The following FHIT variants were observed in gnomAD, a reference collection of about 807,000 sequenced individuals.
FHIT encodes the protein bis(5'-adenosyl)-triphosphatase.
Under a neutral mutation model 17.9 loss-of-function variants are expected in FHIT, and 19 were observed. The ratio of observed to expected loss-of-function variants is 1.06; its 90% CI spans 0.74 to 1.56. The LOEUF is 1.56. Among genes scored for constraint, FHIT ranks in the 40% most tolerant of loss-of-function variants. FHIT has a pLI of 0.00. For missense variants in FHIT, 248 were observed against 189.2 expected, an observed-to-expected ratio of 1.31 and a Z score of -1.82; for synonymous variants, 81 against 69.7, an observed-to-expected ratio of 1.16 and a Z score of -0.81.
chr3:60,531,072 A>G (rs1405694354), intron 5 of FHIT, among the ~76,000 whole-genome samples: 2 of 152,214 alleles, frequency 1.3e-5, no homozygotes, highest in African/African-American at 2.4e-5. Flanking sequence ...AACTTGCCCC[A>G]CTACAATGGA....
chr3:61,074,939 G>C (rs1040945411), intron 2 of FHIT, among the ~76,000 whole-genome samples: 26 of 152,288 alleles, frequency 1.7e-4, no homozygotes, highest in African/African-American at 5.8e-4. Context: ...TAAACGTTCT[G>C]TGTAAAGGAT....
At chr3:60,968,324 A>G (rs1033666468) in intron 3 of FHIT, among the ~76,000 whole-genome samples, 1 of 152,344 alleles carries the variant, frequency 6.6e-6, no homozygotes, top group Non-Finnish European at 1.5e-5. Flanking sequence ...GGTCTCTAAT[A>G]TAATGATGAA....
At position 59,819,922 on chromosome 3, in the gene FHIT, T is replaced by C. The variant is rs1461148242; in HGVS notation, c.349-67601A>G. 2.0e-5 allele frequency among the ~76,000 whole-genome samples: 3 copies of C among 152,186 alleles called. No homozygotes were observed. In the East Asian group the frequency reaches 5.8e-4, roughly 29 times the overall value. ...GCAAGCACTCTGGTCCCTTCTCCCTTCCACCATGTGAGGACACAGTGTTTG... is the reference window on the plus strand; with the variant it reads ...GCAAGCACTCTGGTCCCTTCTCCCTCCCACCATGTGAGGACACAGTGTTTG... On this transcript the variant is annotated intron_variant, in intron 8 of 9. Transcript: ENST00000492590.
intron 5 of FHIT, among the ~76,000 whole-genome samples, chr3:60,225,096 G>A (rs113121849): frequency 0.01 from 1,570 of 152,152 alleles, 30 homozygotes; most frequent in African/African-American, 0.035. Context: ...GTAGAATTTC[G>A]TCATTACTAA....
intron 5 of FHIT, among the ~76,000 whole-genome samples, chr3:60,183,450 A>C (rs1023153673): frequency 6.6e-6 from 1 of 152,126 alleles, no homozygotes; most frequent in Non-Finnish European, 1.5e-5. Flanking sequence ...GGTATGATGG[A>C]GGATTGTTTT....
In FHIT at chr3:61,171,391, C is replaced by G. The variant is rs2037999606; in HGVS notation, c.-164+29226G>C. Among the ~76,000 whole-genome samples, 2 of 152,148 alleles carry G rather than the reference C, an allele frequency of 1.3e-5. 1 individual carries two copies. Among genetic ancestry groups the G allele is most frequent in the Non-Finnish European group, 2.9e-5 (2 of 68,016 alleles). On this transcript the variant is annotated intron_variant, in intron 2 of 9. Coordinates refer to ENST00000492590, the MANE Select transcript of FHIT (RefSeq NM_002012.4). ...TAGTTCGCAAAAATGTTCTTCCATT[C>G]TATAGGTTGTCTGTTTAGTCTGCTG... is the stretch of plus-strand genomic sequence containing the variant.
At chr3:60,774,019 C>A (rs971566140) in intron 4 of FHIT, among the ~76,000 whole-genome samples, 3 of 152,152 alleles carry the variant, frequency 2.0e-5, no homozygotes, top group South Asian at 2.1e-4. Context: ...TGGGGTTACA[C>A]CTTTGATGGA....
intron 7 of FHIT, among the ~76,000 whole-genome samples, chr3:59,937,212 G>T (rs1461496106): frequency 6.6e-6 from 1 of 152,080 alleles, no homozygotes; most frequent in Non-Finnish European, 1.5e-5. Flanking sequence ...TAAAAAGCAG[G>T]TGCTTTTAAA....
At chr3:61,207,366 A>G (rs2039279357) in intron 1 of FHIT, among the ~76,000 whole-genome samples, 2 of 152,080 alleles carry the variant, frequency 1.3e-5, no homozygotes, top group Admixed American at 6.5e-5. Flanking sequence ...CTCTTTTTCT[A>G]TTGACTGGAA....
At chr3:60,391,696 G>A (rs574385900) in intron 5 of FHIT, among the ~76,000 whole-genome samples, 2 of 152,312 alleles carry the variant, frequency 1.3e-5, no homozygotes, top group South Asian at 4.1e-4. Flanking sequence ...TACATGTGCA[G>A]TAGGTTACAC....
intron 7 of FHIT, among the ~76,000 whole-genome samples, chr3:59,971,510 T>C (rs1365434711): frequency 1.3e-5 from 2 of 151,604 alleles, no homozygotes. Flanking sequence ...CTTTTTTTGC[T>C]AACCTCCCAT....
intron 2 of FHIT, among the ~76,000 whole-genome samples, chr3:61,075,445 A>G (rs1002434365): frequency 7.2e-5 from 11 of 152,324 alleles, no homozygotes; most frequent in Admixed American, 3.9e-4. Context: ...AACACAAAGA[A>G]TTAAAATCAT....
intron 8 of FHIT, among the ~76,000 whole-genome samples, chr3:59,817,060 C>T (rs1391611091): frequency 6.6e-6 from 1 of 152,194 alleles, no homozygotes; most frequent in Non-Finnish European, 1.5e-5. Context: ...ACTCCAGATA[C>T]AGGCTGTGCT....
At chr3:59,825,351 C>A (rs1012664296) in intron 8 of FHIT, among the ~76,000 whole-genome samples, 2 of 152,096 alleles carry the variant, frequency 1.3e-5, no homozygotes, top group African/African-American at 2.4e-5. Context: ...TTCCTATGAG[C>A]CTCAGTGTGT....
rs17298532 is a variant in FHIT, at chr3:59,881,122, G to A, written c.348+41224C>T. On this transcript the variant is annotated intron_variant, in intron 8 of 9. Transcript: ENST00000492590. ...AATGACGCTGTACCTTTGGTGCCAC[G>A]TCTCAACAATTCTCTTTTCATCTAT... Among the ~76,000 whole-genome samples the A allele has an allele frequency of 1.4e-3, 215 of 152,216 alleles. 1 individual carries two copies. The highest frequency in any genetic ancestry group is 0.012 in the Admixed American group (187 of 15,280).
chr3:59,945,604 G>A (rs1453722672), intron 7 of FHIT, among the ~76,000 whole-genome samples: 1 of 151,114 alleles, frequency 6.6e-6, no homozygotes, highest in African/African-American at 2.4e-5. Context: ...CAGAGACCGT[G>A]TACAGAATGG....
rs558120908 is a variant in FHIT at position 60,629,195 on chromosome 3, C to T, written c.-17-92216G>A. 5.9e-5 allele frequency among the ~76,000 whole-genome samples: 9 copies of T among 152,236 alleles called. No individual in the cohort carries two copies. In the South Asian group the frequency reaches 1.0e-3, roughly 18 times the overall value. ...CTCAGTGAGATACCATATCCCTTGA[C>T]TGGAAGCTGAGGGGAAAGGCAGCAC... On this transcript the variant is annotated intron_variant, in intron 4 of 9. Transcript: ENST00000492590.
intron 4 of FHIT, among the ~76,000 whole-genome samples, chr3:60,611,595 T>C (rs1553673631): frequency 6.6e-6 from 1 of 152,184 alleles, no homozygotes; most frequent in Non-Finnish European, 1.5e-5. Flanking sequence ...GCAATACGTG[T>C]TGTTTACATA....
chr3:60,669,473 C>T (rs2040462475), intron 4 of FHIT, among the ~76,000 whole-genome samples: 1 of 152,202 alleles, frequency 6.6e-6, no homozygotes, highest in Admixed American at 6.5e-5. Context: ...TTACCCGCTT[C>T]TAGCTTAAAA....
Sources: allele counts gnomAD v4.1 joint callset (sites outside exome capture counted in the v4.1 genomes callset), GRCh38; gene constraint gnomAD v4.1.1; transcripts MANE v1.5; gene names NCBI Gene and HGNC (gene_info 2026-07-23, HGNC 2026-07-21).